IQGAP2: variants seen among roughly 807,000 people sequenced by gnomAD.
IQGAP2 encodes IQ motif containing GTPase activating protein 2, also known as ras GTPase-activating-like protein IQGAP2.
In IQGAP2, 173 loss-of-function variants were observed where a neutral mutation model predicts 201.3. That is an observed-to-expected ratio of 0.86 (90% CI 0.76 to 0.98). IQGAP2 has a LOEUF of 0.98. Ranked by LOEUF, IQGAP2 falls within the 50% of genes least tolerant of loss-of-function variation. IQGAP2 has a pLI of 0.00. For missense variants in IQGAP2, 1,687 were observed against 1,864.8 expected, an observed-to-expected ratio of 0.90 and a Z score of 1.76; for synonymous variants, 675 against 673.9, an observed-to-expected ratio of 1.00 and a Z score of -0.03.
intron 20 of IQGAP2, among the ~76,000 whole-genome samples, chr5:76,655,916 C>T (rs779350887): frequency 2.3e-4 from 35 of 152,156 alleles, no homozygotes; most frequent in Non-Finnish European, 4.3e-4. Context: ...ATCACGGGAA[C>T]ATGCACAGTC....
chr5:76,427,208 C>T (rs1180746300), intron 1 of IQGAP2, among the ~76,000 whole-genome samples: 2 of 152,116 alleles, frequency 1.3e-5, no homozygotes, highest in Non-Finnish European at 2.9e-5. Flanking sequence ...TGTTTCCAGA[C>T]ATTGCCACAT....
chr5:76,649,908 A>G (rs918174882), intron 17 of IQGAP2, among the ~76,000 whole-genome samples: 2 of 152,180 alleles, frequency 1.3e-5, no homozygotes, highest in African/African-American at 2.4e-5. Context: ...TTTGCATTCT[A>G]TGCACCCACA....
At chr5:76,673,356 C>A in intron 24 of IQGAP2, 93 bp from the exon 25 acceptor site, 1 of 1,321,256 alleles carries the variant, frequency 7.6e-7, no homozygotes. Context: ...AAGTCCAATT[C>A]ACTATACAAA....
chr5:76,422,543 G>C (rs990087241), intron 1 of IQGAP2, among the ~76,000 whole-genome samples: 1 of 152,192 alleles, frequency 6.6e-6, no homozygotes, highest in African/African-American at 2.4e-5. Context: ...GGAGTTCCCA[G>C]GATTATTTAA....
intron 1 of IQGAP2, among the ~76,000 whole-genome samples, chr5:76,452,972 G>A (rs1218379463): frequency 5.5e-5 from 8 of 144,460 alleles, no homozygotes; most frequent in African/African-American, 1.0e-4. Context: ...GTGCAGTGGC[G>A]CAATCTTGGC....
In IQGAP2 at chr5:76,507,652, A is replaced by G. The variant is rs150062598; in HGVS notation, c.146+45983A>G. Among the ~76,000 whole-genome samples the G allele has an allele frequency of 1.2e-4, 18 of 152,382 alleles. 1 individual carries two copies. The highest frequency in any genetic ancestry group is 1.2e-3 in the Admixed American group (18 of 15,308). ...TTGCAAAAAAGATATATCTGATAAA[A>G]GACTGTTTTTCAAAATATACAAATA... is the stretch of plus-strand genomic sequence containing the variant. On this transcript the variant is annotated intron_variant, in intron 2 of 35. Coordinates refer to ENST00000274364, the MANE Select transcript of IQGAP2 (RefSeq NM_006633.5).
chr5:76,597,259 T>G, intron 9 of IQGAP2, 180 bp from the exon 10 acceptor site: 1 of 609,268 alleles, frequency 1.6e-6, no homozygotes, highest in Non-Finnish European at 2.9e-6. Context: ...TTCCAAAGAT[T>G]GGATTAGTTT....
At chr5:76,535,373 T>C (rs1428054832) in intron 2 of IQGAP2, among the ~76,000 whole-genome samples, 1 of 152,120 alleles carries the variant, frequency 6.6e-6, no homozygotes, top group Non-Finnish European at 1.5e-5. Flanking sequence ...CTGTAAGGTA[T>C]GGTATAAAAT....
At chr5:76,663,358 G>C (rs529383452) in intron 21 of IQGAP2, among the ~76,000 whole-genome samples, 5 of 152,244 alleles carry the variant, frequency 3.3e-5, no homozygotes, top group African/African-American at 1.2e-4. Context: ...CCAGCTAAGA[G>C]CTCAGTCAAA....
intron 2 of IQGAP2, among the ~76,000 whole-genome samples, chr5:76,509,061 GTA>G (rs1408913536): frequency 7.4e-5 from 11 of 149,612 alleles, no homozygotes; most frequent in African/African-American, 2.4e-4. Context: ...GTGTGTGTAT[GTA>G]TGTATGTGTG....
At position 76,566,304 on chromosome 5, in the gene IQGAP2, G is replaced by A. The variant is rs1007828629; in HGVS notation, c.303+3752G>A. On this transcript the variant is annotated intron_variant, in intron 3 of 35. Coordinates refer to ENST00000274364, the MANE Select transcript of IQGAP2 (RefSeq NM_006633.5). ...GTAGATAGCAACGGCCAGGAGATGG[G>A]CTTCTCAGAGGAGGAGTTTACTCTG... Among the ~76,000 whole-genome samples, 7 of 152,314 alleles carry A rather than the reference G, an allele frequency of 4.6e-5. No homozygotes were observed. In the East Asian group the frequency reaches 5.8e-4, roughly 13 times the overall value.
intron 2 of IQGAP2, among the ~76,000 whole-genome samples, chr5:76,513,054 CAAAAAGAAAAAA>C (rs1022868938): frequency 1.9e-5 from 2 of 108,030 alleles, no homozygotes; most frequent in African/African-American, 3.4e-5. Context: ...GAGTCTGTCT[CAAAAAGAAAAAA>C]AAAAAGAAAA....
In IQGAP2 at chr5:76,503,174, C is replaced by CTTTTTT. The variant is rs11297908; in HGVS notation, c.146+41517_146+41522dup. ...TTTCCTTTTCTTTTTCTTTTCTTTT[C>CTTTTTT]TTTTTTTTTTTTTTTTTGAGACGGA... is the stretch of plus-strand genomic sequence containing the variant. On this transcript the variant is annotated intron_variant, in intron 2 of 35. Coordinates refer to ENST00000274364, the MANE Select transcript of IQGAP2 (RefSeq NM_006633.5). 1.4e-3 allele frequency among the ~76,000 whole-genome samples: 155 copies of CTTTTTT among 109,340 alleles called. 1 individual carries two copies. The highest frequency in any genetic ancestry group is 5.0e-3 in the African/African-American group (140 of 27,948). The allele number at this position is 109,340 out of a possible 152,430, so 71.7% of individuals were successfully genotyped here.
chr5:76,601,839 G>A (rs79907392), intron 11 of IQGAP2, among the ~76,000 whole-genome samples: 4,320 of 152,270 alleles, frequency 0.028, 190 homozygotes, highest in African/African-American at 0.098. Flanking sequence ...ATGGCCAAAA[G>A]GTAATGGAAG....
intron 2 of IQGAP2, among the ~76,000 whole-genome samples, chr5:76,501,381 C>A (rs2150168844): frequency 6.6e-6 from 1 of 152,162 alleles, no homozygotes; most frequent in South Asian, 2.1e-4. Context: ...GCCTGGGCAA[C>A]ATAGTAAGAA....
At chr5:76,479,671 T>A (rs2150143285) in intron 2 of IQGAP2, among the ~76,000 whole-genome samples, 1 of 152,256 alleles carries the variant, frequency 6.6e-6, no homozygotes, top group South Asian at 2.1e-4. Flanking sequence ...AGGACCTCTG[T>A]GCAAATGGAG....
At position 76,693,561 on chromosome 5, in the gene IQGAP2, A is replaced by C; in HGVS notation, c.3993+119A>C. The C allele has an allele frequency of 4.5e-6, 3 of 669,404 alleles. No individual in the cohort carries two copies. In the East Asian group the frequency reaches 8.2e-5, roughly 18 times the overall value. 41.5% of individuals were successfully genotyped at this position (669,404 alleles called of 1,614,324 possible). The stretch of plus-strand genomic sequence containing the variant: ...ATCTGACATGGTCCGGAAGTAAGGA[A>C]TTTTATCTATTACTGCAGTGGACTT... On this transcript the variant is annotated intron_variant, in intron 31 of 35. Coordinates refer to ENST00000274364, the MANE Select transcript of IQGAP2 (RefSeq NM_006633.5).
intron 13 of IQGAP2, chr5:76,618,290 A>C: frequency 6.2e-7 from 1 of 1,614,182 alleles, no homozygotes; most frequent in South Asian, 1.1e-5. Context: ...AAAAAAGAAA[A>C]TCTGCAATGG....
intron 2 of IQGAP2, among the ~76,000 whole-genome samples, chr5:76,521,953 A>G (rs979824813): frequency 7.9e-5 from 12 of 151,890 alleles, no homozygotes; most frequent in Admixed American, 7.9e-4. Context: ...TGATAATTAA[A>G]AAAAAAAATG....
Sources: gnomAD v4.1 joint callset for allele counts (sites outside exome capture counted in the v4.1 genomes callset) on GRCh38, gnomAD v4.1.1 for gene constraint, MANE v1.5 for transcripts, NCBI Gene and HGNC (gene_info 2026-07-23, HGNC 2026-07-21) for gene names.